PEBP4: variants seen among roughly 807,000 people sequenced by gnomAD.
PEBP4 encodes phosphatidylethanolamine-binding protein 4.
Under a neutral mutation model 23.9 loss-of-function variants are expected in PEBP4, and 22 were observed. The observed-to-expected ratio is 0.92, with a 90% CI of 0.66 to 1.31. The LOEUF (loss-of-function observed/expected upper bound fraction) is 1.31. Ranked by LOEUF, PEBP4 falls within the 40% of genes most tolerant of loss-of-function variation. The pLI is 0.00. For missense variants in PEBP4, 324 were observed against 281.7 expected (o/e 1.15, Z -1.07); for synonymous variants, 112 against 99.3 (o/e 1.13, Z -0.76).
intron 4 of PEBP4, among the ~76,000 whole-genome samples, chr8:22,811,197 G>A (rs994828466): frequency 2.8e-4 from 42 of 151,760 alleles, no homozygotes; most frequent in African/African-American, 1.0e-3. Context: ...ATGACTCATT[G>A]AATGAAGTGA....
intron 4 of PEBP4, among the ~76,000 whole-genome samples, chr8:22,810,713 T>TGTGTGTGA (rs1481451051): frequency 1.6e-5 from 2 of 126,280 alleles, no homozygotes; most frequent in African/African-American, 3.2e-5. Flanking sequence ...TGTGTGTGTG[T>TGTGTGTGA]GAGAGAGAGA....
At chr8:22,821,204 T>C (rs1363828226) in intron 3 of PEBP4, among the ~76,000 whole-genome samples, 1 of 151,874 alleles carries the variant, frequency 6.6e-6, no homozygotes, top group Non-Finnish European at 1.5e-5. Context: ...AAAAAACACA[T>C]GGGCTTTGGG....
intron 4 of PEBP4, among the ~76,000 whole-genome samples, chr8:22,810,603 C>T (rs1389396805): frequency 6.6e-6 from 1 of 151,782 alleles, no homozygotes; most frequent in Non-Finnish European, 1.5e-5. Flanking sequence ...CAGCTGCCCC[C>T]TCAGAGCTGA....
At chr8:22,847,329 T>G (rs1403434941) in intron 3 of PEBP4, among the ~76,000 whole-genome samples, 1 of 152,168 alleles carries the variant, frequency 6.6e-6, no homozygotes, top group Admixed American at 6.5e-5. Context: ...TCTCTATATT[T>G]AAAATATATC....
chr8:22,816,073 G>T (rs1314025746), intron 4 of PEBP4, among the ~76,000 whole-genome samples: 1 of 152,212 alleles, frequency 6.6e-6, no homozygotes, highest in Non-Finnish European at 1.5e-5. Flanking sequence ...GGAGGCCTAA[G>T]TTCAGAAAAT....
chr8:22,920,406 A>G (rs1585345077), intron 2 of PEBP4, 96 bp from the exon 3 acceptor site: 1 of 1,350,836 alleles, frequency 7.4e-7, no homozygotes, highest in East Asian at 2.4e-5. Context: ...ATGTAAAGTG[A>G]AATGGGATCA....
At chr8:22,844,628 T>G (rs1264646198) in intron 3 of PEBP4, among the ~76,000 whole-genome samples, 1 of 152,168 alleles carries the variant, frequency 6.6e-6, no homozygotes, top group Admixed American at 6.5e-5. Flanking sequence ...CTCTTTTATT[T>G]TGATTTGTTT....
intron 3 of PEBP4, among the ~76,000 whole-genome samples, chr8:22,893,757 G>C (rs1183392298): frequency 6.6e-6 from 1 of 151,832 alleles, no homozygotes; most frequent in Non-Finnish European, 1.5e-5. Flanking sequence ...ATAAAACACA[G>C]AGAGAAAAAA....
chr8:22,866,719 A>G (rs1459285893), intron 3 of PEBP4, among the ~76,000 whole-genome samples: 1 of 148,970 alleles, frequency 6.7e-6, no homozygotes, highest in African/African-American at 2.4e-5. Flanking sequence ...GGAAAAAAAC[A>G]GAATATATGT....
intron 4 of PEBP4, among the ~76,000 whole-genome samples, chr8:22,730,067 T>C (rs1050696988): frequency 6.6e-6 from 1 of 152,182 alleles, no homozygotes; most frequent in African/African-American, 2.4e-5. Flanking sequence ...CAAGGTCTCA[T>C]GCCTTTCGAC....
chr8:22,720,753 C>A lies in PEBP4; in HGVS notation c.517+4090G>T, dbSNP rs564278948. Among the ~76,000 whole-genome samples the A allele has an allele frequency of 3.9e-5, 6 of 152,312 alleles. No homozygotes were observed. The South Asian group carries it at 1.0e-3, about 26-fold the overall frequency. On this transcript the variant is annotated intron_variant, in intron 6 of 6. Transcript: ENST00000256404. ...CTCTCTGTTCCTCCTATCTTGGGGA[C>A]CAGTTATGCTTGTGCTGTTTGAATA...
chr8:22,839,090 A>T (rs1289711164), intron 3 of PEBP4, among the ~76,000 whole-genome samples: 1 of 152,136 alleles, frequency 6.6e-6, no homozygotes, highest in African/African-American at 2.4e-5. Context: ...ATGAGAAGAG[A>T]GTGGGGATGG....
At chr8:22,759,814 G>A (rs1214741930) in intron 4 of PEBP4, among the ~76,000 whole-genome samples, 1 of 152,170 alleles carries the variant, frequency 6.6e-6, no homozygotes, top group Non-Finnish European at 1.5e-5. Flanking sequence ...GGCTCAACTG[G>A]GAACAGCCTC....
chr8:22,756,082 A>T (rs1342465584), intron 4 of PEBP4: 1 of 152,248 alleles, frequency 6.6e-6, no homozygotes, highest in African/African-American at 2.4e-5. Flanking sequence ...GAAGTTGGCT[A>T]CTGAGCTGCC....
chr8:22,764,064 C>G (rs1022653504), intron 4 of PEBP4, among the ~76,000 whole-genome samples: 2 of 152,180 alleles, frequency 1.3e-5, no homozygotes, highest in African/African-American at 4.8e-5. Context: ...TCAAGCCTTT[C>G]CTGGCCCATG....
intron 3 of PEBP4, among the ~76,000 whole-genome samples, chr8:22,825,608 T>C (rs1054653782): frequency 1.3e-5 from 2 of 152,168 alleles, no homozygotes; most frequent in African/African-American, 4.8e-5. Flanking sequence ...AAAGATGAGG[T>C]AGCTGAGCCA....
At chr8:22,743,089 A>G (rs1041932861) in intron 4 of PEBP4, among the ~76,000 whole-genome samples, 3 of 152,154 alleles carry the variant, frequency 2.0e-5, no homozygotes, top group African/African-American at 7.2e-5. Context: ...GCCAGACTCC[A>G]GTGCCCAGGC....
At chr8:22,913,982 C>T (rs946796223) in intron 3 of PEBP4, among the ~76,000 whole-genome samples, 7 of 135,788 alleles carry the variant, frequency 5.2e-5, no homozygotes, top group African/African-American at 1.4e-4. Context: ...CCAGGCCTGG[C>T]TACTTTTTTT....
rs148288633 is a variant in PEBP4, at chr8:22,848,029, G to GCT, written c.259-30296_259-30295dup. On this transcript the variant is annotated intron_variant, in intron 3 of 6. Transcript: ENST00000256404. ...TTTTTTCTTTTGCCCCAGTGCTAAA[G>GCT]CTCTCTCTCTCTCTCTGTCGCTTTC... Among the ~76,000 whole-genome samples the GCT allele has an allele frequency of 4.2e-4, 63 of 150,010 alleles. No individual in the cohort carries two copies. The East Asian group carries it at 7.0e-3, about 17-fold the overall frequency.
Sources: gnomAD v4.1 joint callset for allele counts (sites outside exome capture counted in the v4.1 genomes callset) on GRCh38, gnomAD v4.1.1 for gene constraint, MANE v1.5 for transcripts, NCBI Gene and HGNC (gene_info 2026-07-23, HGNC 2026-07-21) for gene names.